RNF115: variants seen among roughly 807,000 people sequenced by gnomAD.
The protein encoded by RNF115 is E3 ubiquitin-protein ligase RNF115.
RNF115 carries 31 observed loss-of-function variants against 39.2 expected under a neutral mutation model. The observed-to-expected ratio is 0.79, with a 90% confidence interval of 0.59 to 1.07. RNF115 has a LOEUF of 1.07. RNF115 is among the 50% of genes least tolerant of loss of function. The pLI, the probability that RNF115 is intolerant of heterozygous loss-of-function variation, is 0.00. For missense variants in RNF115, 384 were observed against 381.7 expected (o/e 1.01, Z -0.05); for synonymous variants, 124 against 131.0 (o/e 0.95, Z 0.37).
At chr1:145,757,962 CT>C (rs1227213532) in intron 4 of RNF115, among the ~76,000 whole-genome samples, 1 of 152,144 alleles carries the variant, frequency 6.6e-6, no homozygotes, top group African/African-American at 2.4e-5. Flanking sequence ...AAGAAGGAGA[CT>C]TTTTTGATAG....
At chr1:145,795,196 C>T (rs1352198185) in intron 1 of RNF115, among the ~76,000 whole-genome samples, 1 of 151,898 alleles carries the variant, frequency 6.6e-6, no homozygotes, top group Non-Finnish European at 1.5e-5. Flanking sequence ...ATTGTTTGAT[C>T]CTCCCGGTGG....
chr1:145,795,998 T>A (rs1017814278), intron 1 of RNF115, among the ~76,000 whole-genome samples: 1 of 152,212 alleles, frequency 6.6e-6, no homozygotes, highest in African/African-American at 2.4e-5. Flanking sequence ...CATTTGTATC[T>A]TAAGTCTGAT....
chr1:145,797,031 C>G (rs1649015489), intron 1 of RNF115, among the ~76,000 whole-genome samples: 1 of 152,134 alleles, frequency 6.6e-6, no homozygotes, highest in Non-Finnish European at 1.5e-5. Context: ...TCAGGTCTCC[C>G]AGATGATATC....
At chr1:145,807,416 A>G (rs1475931921) in intron 1 of RNF115, among the ~76,000 whole-genome samples, 1 of 152,192 alleles carries the variant, frequency 6.6e-6, no homozygotes, top group Non-Finnish European at 1.5e-5. Context: ...TATTAAAACA[A>G]CTTCTCCCTA....
chr1:145,771,639 T>C (rs782626391), intron 4 of RNF115, 72 bp downstream of exon 4: 3 of 1,248,644 alleles, frequency 2.4e-6, no homozygotes, highest in Non-Finnish European at 3.4e-6. Flanking sequence ...GAGACCCTTA[T>C]AAAGATTAGA....
chr1:145,814,318 C>G (rs1473983877), intron 1 of RNF115, among the ~76,000 whole-genome samples: 2 of 151,964 alleles, frequency 1.3e-5, no homozygotes, highest in Non-Finnish European at 2.9e-5. Context: ...GGAAACAAAA[C>G]TACCTGAAAT....
At chr1:145,794,979 C>T (rs587604668) in intron 1 of RNF115, among the ~76,000 whole-genome samples, 55 of 146,702 alleles carry the variant, frequency 3.7e-4, no homozygotes, top group African/African-American at 1.3e-3. Context: ...ATCGCGCCAC[C>T]GCACTCCAGC....
intron 8 of RNF115, 144 bp downstream of exon 8, chr1:145,747,851 C>A: frequency 1.6e-6 from 1 of 617,276 alleles, no homozygotes; most frequent in Non-Finnish European, 2.9e-6. Flanking sequence ...AACCCTTGGT[C>A]AGAAAAGTTC....
rs1657830610 is a variant in RNF115, at chr1:145,745,324, T to C, written c.*1542A>G. Reference sequence around the variant, plus strand: ...ACCCAGGCATGGTGGCACACGCCTGTAGTCCCAGCCACTTGGTAGGCTGAG... The same window carrying C: ...ACCCAGGCATGGTGGCACACGCCTGCAGTCCCAGCCACTTGGTAGGCTGAG... On this transcript the variant is annotated 3_prime_UTR_variant, in exon 9 of 9. Transcript: ENST00000582693. 1 of 152,252 alleles carries C rather than the reference T, an allele frequency of 6.6e-6. No individual in the cohort carries two copies. Among genetic ancestry groups the C allele is most frequent in the Non-Finnish European group, 1.5e-5 (1 of 68,192 alleles). 9.4% of individuals were successfully genotyped at this position (152,252 alleles called of 1,614,324 possible). A position where few individuals can be genotyped will look rare whatever the true frequency, so the allele number is the denominator to read the frequency against.
chr1:145,808,957 T>TC (rs1193774635), intron 1 of RNF115, among the ~76,000 whole-genome samples: 1 of 152,150 alleles, frequency 6.6e-6, no homozygotes, highest in African/African-American at 2.4e-5. Flanking sequence ...ATTAATGACT[T>TC]CATTAAAGTA....
At chr1:145,786,998 C>T (rs1648410051) in intron 2 of RNF115, 3 of 1,187,072 alleles carry the variant, frequency 2.5e-6, no homozygotes, top group Admixed American at 2.3e-5. Context: ...TAAAGTAAAA[C>T]TAATAGTACA....
At chr1:145,780,961 G>T (rs1221334491) in intron 3 of RNF115, among the ~76,000 whole-genome samples, 1 of 152,016 alleles carries the variant, frequency 6.6e-6, no homozygotes, top group Non-Finnish European at 1.5e-5. Flanking sequence ...GTAGCTATGG[G>T]GCTCACTTTC....
At chr1:145,757,318 C>CT (rs1425105587) in intron 4 of RNF115, among the ~76,000 whole-genome samples, 4 of 152,128 alleles carry the variant, frequency 2.6e-5, no homozygotes, top group Non-Finnish European at 2.9e-5. Context: ...CTACCCATTA[C>CT]AAGTGGTATC....
intron 4 of RNF115, among the ~76,000 whole-genome samples, chr1:145,766,490 G>C (rs1484046832): frequency 6.6e-6 from 1 of 151,966 alleles, no homozygotes. Flanking sequence ...ATCATGGCCT[G>C]TTCCCAATGA....
At chr1:145,777,365 C>T (rs1252736810) in intron 3 of RNF115, among the ~76,000 whole-genome samples, 1 of 152,114 alleles carries the variant, frequency 6.6e-6, no homozygotes, top group Non-Finnish European at 1.5e-5. Context: ...TCTAAAGGAT[C>T]CATGCTTAAA....
intron 3 of RNF115, among the ~76,000 whole-genome samples, chr1:145,777,080 A>G (rs1214364145): frequency 6.6e-6 from 1 of 152,204 alleles, no homozygotes; most frequent in Non-Finnish European, 1.5e-5. Context: ...AATAAGTGAA[A>G]AAGTACGAGC....
At chr1:145,760,787 T>C (rs12023902) in intron 4 of RNF115, among the ~76,000 whole-genome samples, 8 of 152,222 alleles carry the variant, frequency 5.3e-5, no homozygotes, top group East Asian at 3.9e-4. Context: ...AAATGTGGAA[T>C]TGACTTTGGA....
intron 6 of RNF115, among the ~76,000 whole-genome samples, 191 bp from the exon 7 acceptor site, chr1:145,750,691 G>C (rs1658047425): frequency 6.6e-6 from 1 of 152,170 alleles, no homozygotes; most frequent in Non-Finnish European, 1.5e-5. Flanking sequence ...TACAATTTCA[G>C]AGTGACGTTC....
intron 8 of RNF115, among the ~76,000 whole-genome samples, chr1:145,747,574 T>C (rs960159377): frequency 6.6e-6 from 1 of 152,024 alleles, no homozygotes; most frequent in Non-Finnish European, 1.5e-5. Flanking sequence ...AACCAGGAGG[T>C]AGAGGTTTCA....
Sources: allele counts gnomAD v4.1 joint callset (sites outside exome capture counted in the v4.1 genomes callset), GRCh38; gene constraint gnomAD v4.1.1; transcripts MANE v1.5; gene names NCBI Gene and HGNC (gene_info 2026-07-23, HGNC 2026-07-21).